RNF141: variants seen among roughly 807,000 people sequenced by gnomAD.
RNF141 encodes the protein ring finger protein 141.
A neutral mutation model predicts 27.4 loss-of-function variants in RNF141; 18 were observed. The observed-to-expected ratio is 0.66, with a 90% CI of 0.45 to 0.97. The LOEUF (loss-of-function observed/expected upper bound fraction) is 0.97, where lower values mean the gene tolerates loss of function less well. RNF141 is among the 50% of genes least tolerant of loss of function. The pLI, the probability that RNF141 is intolerant of heterozygous loss-of-function variation, is 0.00. For missense variants in RNF141, 230 were observed against 279.4 expected (o/e 0.82, Z 1.26); for synonymous variants, 97 against 96.6 (o/e 1.00, Z -0.02).
chr11:10,540,954 C>A (rs1001839941), intron 1 of RNF141, 168 bp downstream of exon 1: 2 of 152,260 alleles, frequency 1.3e-5, no homozygotes, highest in African/African-American at 4.8e-5. Context: ...CCTCCCCAGC[C>A]GTCCCCACGC....
intron 4 of RNF141, among the ~76,000 whole-genome samples, chr11:10,524,308 G>A (rs932326855): frequency 1.3e-5 from 2 of 152,242 alleles, no homozygotes; most frequent in South Asian, 4.1e-4. Context: ...CCAGCTACTT[G>A]GGAGGCTGAG....
At chr11:10,532,536 CACCCCA>C (rs772219620) in intron 2 of RNF141, among the ~76,000 whole-genome samples, 185 of 102,008 alleles carry the variant, frequency 1.8e-3, no homozygotes, top group Non-Finnish European at 3.0e-3. Context: ...CACACACACA[CACCCCA>C]CAACTATATA....
chr11:10,515,110 T>G, intron 5 of RNF141, 44 bp from the exon 6 acceptor site: 1 of 1,565,716 alleles, frequency 6.4e-7, no homozygotes, highest in Non-Finnish European at 8.6e-7. Flanking sequence ...TCTTCTTTTT[T>G]AAAAACAGGA....
intron 4 of RNF141, among the ~76,000 whole-genome samples, chr11:10,519,664 A>AGGCTACTGTAGGCTAC (rs543449377): frequency 6.6e-6 from 1 of 152,136 alleles, no homozygotes; most frequent in Non-Finnish European, 1.5e-5. Flanking sequence ...ATGTTACTGT[A>AGGCTACTGTAGGCTAC]TGGAACACTG....
chr11:10,538,635 T>A (rs1159895847), intron 1 of RNF141, among the ~76,000 whole-genome samples: 2 of 152,260 alleles, frequency 1.3e-5, no homozygotes, highest in East Asian at 3.8e-4. Flanking sequence ...ACTCAATAGA[T>A]GTTTACTGAA....
At chr11:10,538,465 G>A (rs1850056839) in intron 1 of RNF141, among the ~76,000 whole-genome samples, 1 of 152,118 alleles carries the variant, frequency 6.6e-6, no homozygotes, top group African/African-American at 2.4e-5. Flanking sequence ...ATCTGTTGAG[G>A]CCATCCTCTA....
intron 2 of RNF141, among the ~76,000 whole-genome samples, chr11:10,532,991 G>C (rs1022420063): frequency 3.3e-5 from 5 of 152,152 alleles, no homozygotes; most frequent in Non-Finnish European, 7.4e-5. Flanking sequence ...CTTAGCAGAG[G>C]GCCTTGCACA....
chr11:10,522,572 T>A (rs1849896596), intron 4 of RNF141, among the ~76,000 whole-genome samples: 1 of 152,136 alleles, frequency 6.6e-6, no homozygotes, highest in African/African-American at 2.4e-5. Context: ...GAGACCCACA[T>A]AAACAAAGGC....
chr11:10,521,259 T>G (rs1437364775), intron 4 of RNF141, among the ~76,000 whole-genome samples: 1 of 152,226 alleles, frequency 6.6e-6, no homozygotes, highest in Non-Finnish European at 1.5e-5. Flanking sequence ...GCTCTCAAAA[T>G]CAACACTTGC....
At chr11:10,530,062 G>A (rs1341428369) in intron 3 of RNF141, among the ~76,000 whole-genome samples, 2 of 152,272 alleles carry the variant, frequency 1.3e-5, no homozygotes, top group East Asian at 1.9e-4. Flanking sequence ...GGTGGGGATA[G>A]GAGGTGGCCT....
chr11:10,530,719 T>A lies in RNF141; in HGVS notation c.176A>T (p.His59Leu), dbSNP rs1397436729. 1.2e-6 allele frequency: 2 copies of A among 1,608,678 alleles called. No individual in the cohort carries two copies. Among genetic ancestry groups the A allele is most frequent in the Non-Finnish European group, 1.7e-6 (2 of 1,176,958 alleles). Residue 59 changes from histidine to leucine, a missense_variant, in exon 3 of 6, where the codon CAT becomes CTT. By Grantham distance (99) the His-to-Leu change is moderately conservative. Coordinates refer to ENST00000265981, the MANE Select transcript of RNF141 (RefSeq NM_016422.4). The stretch of plus-strand genomic sequence containing the variant: ...CCCAGGTTGTACCTCAAAGAGAAGA[T>A]GTTTTTCCTGGCCAGAAGCCACTTT... ...TAKVASGQEK[H>L]LLFEVQPGSD... is the part of the protein sequence containing the mutation.
rs548527068 is a variant in RNF141 at position 10,524,338 on chromosome 11, C to T, written c.434+854G>A. ...GCTGAGGCAGGAGAATGGCGTGAAC[C>T]CGGGAGGCAGAGCTTGCAGTGAGCC... On this transcript the variant is annotated intron_variant, in intron 4 of 5. Transcript: ENST00000265981. 9.2e-5 allele frequency among the ~76,000 whole-genome samples: 14 copies of T among 152,192 alleles called. 1 individual carries two copies. In the South Asian group the frequency reaches 2.7e-3, roughly 29 times the overall value.
intron 1 of RNF141, among the ~76,000 whole-genome samples, chr11:10,537,211 T>G (rs1417747170): frequency 1.3e-5 from 2 of 152,194 alleles, no homozygotes; most frequent in African/African-American, 4.8e-5. Context: ...TCCCTCTCAT[T>G]GGAAGTATGG....
chr11:10,531,908 G>A, intron 2 of RNF141: 5 of 380,696 alleles, frequency 1.3e-5, no homozygotes, highest in South Asian at 9.4e-5. Flanking sequence ...GCTTCGTCCT[G>A]TATAGGTTTA....
chr11:10,521,727 G>A (rs1030540892), intron 4 of RNF141, among the ~76,000 whole-genome samples: 4 of 152,204 alleles, frequency 2.6e-5, no homozygotes, highest in African/African-American at 9.6e-5. Flanking sequence ...GATTTTAATA[G>A]AAGACATTCT....
Position 10,514,902 on chromosome 11 carries a change from C to G in RNF141, c.*14G>C. 1 of 1,598,358 alleles carries G rather than the reference C, an allele frequency of 6.3e-7. No individual in the cohort carries two copies. Among genetic ancestry groups the G allele is most frequent in the Non-Finnish European group, 8.5e-7 (1 of 1,172,376 alleles). ...TTGAGCCCACAATAGCAACAGAAGA[C>G]TTTCACTTCAAGGTCATGGCCTGTG... On this transcript the variant is annotated 3_prime_UTR_variant, in exon 6 of 6. Coordinates refer to ENST00000265981, the MANE Select transcript of RNF141 (RefSeq NM_016422.4).
chr11:10,519,246 T>G, intron 4 of RNF141, 105 bp from the exon 5 acceptor site: 8 of 859,436 alleles, frequency 9.3e-6, no homozygotes, highest in Non-Finnish European at 1.4e-5. Context: ...GCCCACAGTA[T>G]AAAGCACAAT....
chr11:10,538,186 A>T (rs1591502358), intron 1 of RNF141, among the ~76,000 whole-genome samples: 1 of 152,224 alleles, frequency 6.6e-6, no homozygotes, highest in Non-Finnish European at 1.5e-5. Context: ...TTAACTTGTT[A>T]TCTTGTAACT....
At chr11:10,529,482 G>A (rs1189116787) in intron 3 of RNF141, among the ~76,000 whole-genome samples, 2 of 152,218 alleles carry the variant, frequency 1.3e-5, no homozygotes, top group Non-Finnish European at 2.9e-5. Flanking sequence ...ACAGTCTTAA[G>A]TTAGTTAAGC....
Sources: gnomAD v4.1 joint callset for allele counts (sites outside exome capture counted in the v4.1 genomes callset) on GRCh38, gnomAD v4.1.1 for gene constraint, MANE v1.5 for transcripts, NCBI Gene and HGNC (gene_info 2026-07-23, HGNC 2026-07-21) for gene names.